The following UBE2L3 variants were observed in gnomAD, a reference collection of about 807,000 sequenced individuals.
UBE2L3 encodes the protein ubiquitin-conjugating enzyme E2 L3.
Under a neutral mutation model 17.8 loss-of-function variants are expected in UBE2L3, and 1 was observed. That is an observed-to-expected ratio of 0.06 (90% CI 0.02 to 0.27). UBE2L3 has a LOEUF of 0.27. UBE2L3 is among the 10% of genes least tolerant of loss of function. UBE2L3 has a pLI of 1.00. For synonymous variants in UBE2L3, 44 were observed against 68.5 expected (o/e 0.64, Z 1.76); for missense variants, 40 against 192.6 (o/e 0.21, Z 4.69).
intron 1 of UBE2L3, among the ~76,000 whole-genome samples, chr22:21,574,385 A>G (rs1168228225): frequency 6.6e-6 from 1 of 152,164 alleles, no homozygotes; most frequent in Admixed American, 6.6e-5. Flanking sequence ...ATATATACCA[A>G]CTGCTTAGAA....
At chr22:21,611,222 A>G (rs1343351690) in intron 3 of UBE2L3, among the ~76,000 whole-genome samples, 179 bp downstream of exon 3, 1 of 152,142 alleles carries the variant, frequency 6.6e-6, no homozygotes, top group Admixed American at 6.5e-5. Flanking sequence ...TTTGACCTGT[A>G]TAGGGTTTGA....
rs35054754 is a variant in UBE2L3, at chr22:21,597,775, A to ATTTTTTTTTTTTTTTTT, written c.123+4835_123+4851dup. Among the ~76,000 whole-genome samples the ATTTTTTTTTTTTTTTTT allele has an allele frequency of 3.5e-4, 9 of 25,600 alleles. 2 individuals are homozygous for ATTTTTTTTTTTTTTTTT. Among genetic ancestry groups the ATTTTTTTTTTTTTTTTT allele is most frequent in the East Asian group, 2.2e-3 (2 of 894 alleles). 16.8% of individuals were successfully genotyped at this position (25,600 alleles called of 152,430 possible). A position where few individuals can be genotyped will look rare whatever the true frequency, so the allele number is the denominator to read the frequency against. ...GGATCTTTGATCCATTTATATGTAG[A>ATTTTTTTTTTTTTTTTT]TTTTTTTTTTTTTTTTTTTTTTTTT... On this transcript the variant is annotated intron_variant, in intron 2 of 3. Coordinates refer to ENST00000342192, the MANE Select transcript of UBE2L3 (RefSeq NM_003347.4).
intron 1 of UBE2L3, among the ~76,000 whole-genome samples, chr22:21,568,608 T>C (rs926122927): frequency 6.6e-6 from 1 of 152,182 alleles, no homozygotes; most frequent in Non-Finnish European, 1.5e-5. Flanking sequence ...TGGCACCTTT[T>C]GGTGAGGAAC....
chr22:21,616,503 T>A (rs1023971048), intron 3 of UBE2L3, among the ~76,000 whole-genome samples: 4 of 151,726 alleles, frequency 2.6e-5, no homozygotes, highest in Non-Finnish European at 5.9e-5. Context: ...ACAAAAAAAA[T>A]TAGCTGGGCA....
At chr22:21,613,506 C>T (rs547147339) in intron 3 of UBE2L3, among the ~76,000 whole-genome samples, 2 of 152,296 alleles carry the variant, frequency 1.3e-5, no homozygotes, top group African/African-American at 2.4e-5. Flanking sequence ...CTTCCTAGAA[C>T]ATTATTATGT....
At chr22:21,585,699 G>A (rs142826017) in intron 1 of UBE2L3, among the ~76,000 whole-genome samples, 1 of 152,168 alleles carries the variant, frequency 6.6e-6, no homozygotes, top group Admixed American at 6.6e-5. Context: ...TGTGGGGCTG[G>A]TGATAGGCAG....
intron 1 of UBE2L3, among the ~76,000 whole-genome samples, chr22:21,581,336 C>T (rs1927624921): frequency 6.6e-6 from 1 of 152,160 alleles, no homozygotes; most frequent in African/African-American, 2.4e-5. Flanking sequence ...GGATTTGAGC[C>T]ACCATGCCTG....
intron 1 of UBE2L3, among the ~76,000 whole-genome samples, chr22:21,573,333 C>T (rs933239396): frequency 3.9e-5 from 6 of 152,136 alleles, no homozygotes; most frequent in Non-Finnish European, 8.8e-5. Context: ...GTTGAGTCCC[C>T]TAAAAACAGC....
chr22:21,555,822 C>A (rs1926205490), intron 1 of UBE2L3, among the ~76,000 whole-genome samples: 1 of 152,202 alleles, frequency 6.6e-6, no homozygotes, highest in Admixed American at 6.5e-5. Context: ...ATCCCAGCTA[C>A]TCGGGAGGCT....
intron 2 of UBE2L3, among the ~76,000 whole-genome samples, chr22:21,606,315 A>ATGTG (rs145064151): frequency 0.013 from 1,886 of 150,440 alleles, 99 homozygotes; most frequent in South Asian, 0.13. Context: ...TGTGTGTGGT[A>ATGTG]TGTGTGTGTG....
upstream of UBE2L3, chr22:21,567,426 G>A: frequency 2.9e-6 from 1 of 348,100 alleles, no homozygotes; most frequent in Non-Finnish European, 5.1e-6. Context: ...GTCTCCCAAA[G>A]TGCTGGGATT....
intron 3 of UBE2L3, among the ~76,000 whole-genome samples, chr22:21,619,349 T>C (rs1929939121): frequency 6.6e-6 from 1 of 152,192 alleles, no homozygotes. Context: ...GCTTAGAGAC[T>C]GAATTAGAGG....
chr22:21,559,996 T>C (rs931912602), intron 1 of UBE2L3, among the ~76,000 whole-genome samples: 52 of 152,286 alleles, frequency 3.4e-4, no homozygotes, highest in Non-Finnish European at 1.0e-4. Flanking sequence ...TGGTGCGAGC[T>C]TCTAGCTCTC....
chr22:21,601,967 CAAA>C (rs781689880), intron 2 of UBE2L3, among the ~76,000 whole-genome samples: 24,640 of 104,228 alleles, frequency 0.24, 2,815 homozygotes, highest in East Asian at 0.44. Context: ...GACTCCATCT[CAAA>C]AAAAAAAAAA....
At chr22:21,570,031 CTG>C (rs1926871683) in intron 1 of UBE2L3, among the ~76,000 whole-genome samples, 1 of 152,252 alleles carries the variant, frequency 6.6e-6, no homozygotes, top group Non-Finnish European at 1.5e-5. Context: ...GCCAACTACT[CTG>C]TGAGCCCGTG....
intron 2 of UBE2L3, among the ~76,000 whole-genome samples, chr22:21,599,350 A>G (rs1928733570): frequency 6.6e-6 from 1 of 152,066 alleles, no homozygotes; most frequent in Non-Finnish European, 1.5e-5. Context: ...GTTGAGACCA[A>G]TGAGGGCAGC....
intron 3 of UBE2L3, among the ~76,000 whole-genome samples, chr22:21,618,733 A>T (rs1486037571): frequency 6.6e-6 from 1 of 152,032 alleles, no homozygotes; most frequent in Admixed American, 6.6e-5. Context: ...GACTACAGGC[A>T]TGTGCCACCA....
chr22:21,559,618 G>A (rs970063975), intron 1 of UBE2L3, among the ~76,000 whole-genome samples: 1 of 151,550 alleles, frequency 6.6e-6, no homozygotes, highest in Non-Finnish European at 1.5e-5. Flanking sequence ...GAGAGGGAGT[G>A]AGGGCTGCCA....
chr22:21,621,467 A>G (rs769763734), intron 3 of UBE2L3, 48 bp from the exon 4 acceptor site: 141 of 1,537,702 alleles, frequency 9.2e-5, no homozygotes, highest in Non-Finnish European at 1.2e-4. Flanking sequence ...TGCCTGTGCC[A>G]TTTCTGAGAC....
Sources: allele counts gnomAD v4.1 joint callset (sites outside exome capture counted in the v4.1 genomes callset), GRCh38; gene constraint gnomAD v4.1.1; transcripts MANE v1.5; gene names NCBI Gene and HGNC (gene_info 2026-07-23, HGNC 2026-07-21).